The following PEX14 variants were observed in gnomAD, a reference collection of about 807,000 sequenced individuals.
The protein encoded by PEX14 is peroxisomal membrane protein PEX14.
PEX14 carries 15 observed loss-of-function variants against 49.5 expected under a neutral mutation model. The observed-to-expected ratio is 0.30, with a 90% CI of 0.20 to 0.47. The LOEUF (loss-of-function observed/expected upper bound fraction) is 0.47. Ranked by LOEUF, PEX14 falls within the 20% of genes least tolerant of loss-of-function variation. PEX14 has a pLI of 1.00. For missense variants in PEX14, 398 were observed against 494.8 expected, an observed-to-expected ratio of 0.80 and a Z score of 1.86; for synonymous variants, 210 against 212.7, an observed-to-expected ratio of 0.99 and a Z score of 0.11.
At chr1:10,585,172 T>C (rs1233866815) in intron 3 of PEX14, among the ~76,000 whole-genome samples, 2 of 152,208 alleles carry the variant, frequency 1.3e-5, no homozygotes, top group Non-Finnish European at 2.9e-5. Flanking sequence ...ACAAATTCCA[T>C]TGACGGGTGC....
At chr1:10,552,276 T>A (rs1309217258) in intron 3 of PEX14, among the ~76,000 whole-genome samples, 3 of 152,072 alleles carry the variant, frequency 2.0e-5, no homozygotes, top group African/African-American at 7.2e-5. Flanking sequence ...ACTCCATCTC[T>A]ACTAAAAATA....
intron 1 of PEX14, among the ~76,000 whole-genome samples, chr1:10,482,654 G>A (rs11802795): frequency 0.064 from 9,656 of 151,646 alleles, 1,053 homozygotes; most frequent in African/African-American, 0.22. Flanking sequence ...GGATGGTCTC[G>A]ATGTCTTGAC....
intron 3 of PEX14, among the ~76,000 whole-genome samples, chr1:10,538,833 C>G (rs1489450112): frequency 6.6e-6 from 1 of 152,212 alleles, no homozygotes; most frequent in African/African-American, 2.4e-5. Context: ...AGAAGCCTTG[C>G]AGTGCTGGGC....
intron 4 of PEX14, among the ~76,000 whole-genome samples, chr1:10,611,274 A>T (rs1641270763): frequency 6.6e-6 from 1 of 150,866 alleles, no homozygotes; most frequent in Non-Finnish European, 1.5e-5. Context: ...CCACCGAAAT[A>T]AAAAAAAAAT....
chr1:10,487,886 T>G (rs1372424775), intron 1 of PEX14, among the ~76,000 whole-genome samples: 2 of 152,056 alleles, frequency 1.3e-5, no homozygotes, highest in Non-Finnish European at 2.9e-5. Flanking sequence ...GTTCAAGGGA[T>G]TCTTCTGCCT....
At chr1:10,487,427 GTAGAGTTTTCTT>G (rs1389332754) in intron 1 of PEX14, among the ~76,000 whole-genome samples, 3 of 148,134 alleles carry the variant, frequency 2.0e-5, no homozygotes, top group South Asian at 2.1e-4. Context: ...CCATCTGGAC[GTAGAGTTTTCTT>G]TTTAAGTTTT....
intron 1 of PEX14, among the ~76,000 whole-genome samples, chr1:10,480,304 A>C (rs1439418909): frequency 6.7e-6 from 1 of 148,934 alleles, no homozygotes; most frequent in Non-Finnish European, 1.5e-5. Flanking sequence ...TCAGCCTCCC[A>C]GGTTCAAGCG....
chr1:10,607,877 G>T (rs1489576367), intron 4 of PEX14, among the ~76,000 whole-genome samples: 2 of 152,058 alleles, frequency 1.3e-5, no homozygotes, highest in Admixed American at 1.3e-4. Context: ...TTTTAATTTT[G>T]ATGACATATA....
intron 1 of PEX14, among the ~76,000 whole-genome samples, chr1:10,492,460 G>A (rs890090338): frequency 1.3e-5 from 2 of 152,210 alleles, no homozygotes; most frequent in African/African-American, 4.8e-5. Context: ...TTTTGATTAA[G>A]TAGAAGGGTT....
intron 2 of PEX14, among the ~76,000 whole-genome samples, chr1:10,516,181 A>G (rs1641966673): frequency 6.6e-6 from 1 of 152,240 alleles, no homozygotes; most frequent in South Asian, 2.1e-4. Context: ...GGCAGAACTA[A>G]GAAGCCAGGC....
At chr1:10,558,691 T>C (rs975508860) in intron 3 of PEX14, among the ~76,000 whole-genome samples, 1 of 148,886 alleles carries the variant, frequency 6.7e-6, no homozygotes, top group Non-Finnish European at 1.5e-5. Context: ...GAGCTGAGAT[T>C]GCACCACTGC....
intron 3 of PEX14, among the ~76,000 whole-genome samples, chr1:10,576,629 G>A (rs575993883): frequency 4.6e-5 from 7 of 151,500 alleles, no homozygotes; most frequent in Middle Eastern, 3.4e-3. Flanking sequence ...TTTCTCCCCA[G>A]TTGTTTAGTA....
At chr1:10,562,424 A>G (rs2124531802) in intron 3 of PEX14, among the ~76,000 whole-genome samples, 1 of 152,270 alleles carries the variant, frequency 6.6e-6, no homozygotes, top group South Asian at 2.1e-4. Flanking sequence ...TGATTGTCCT[A>G]TCTCTTTACC....
At chr1:10,497,244 G>C (rs1343823913) in intron 2 of PEX14, among the ~76,000 whole-genome samples, 4 of 152,202 alleles carry the variant, frequency 2.6e-5, no homozygotes, top group Non-Finnish European at 5.9e-5. Context: ...GAGTGGTGTT[G>C]GGAGGGTGTC....
intron 4 of PEX14, among the ~76,000 whole-genome samples, chr1:10,605,626 TA>T (rs1309616467): frequency 5.9e-5 from 9 of 152,188 alleles, no homozygotes; most frequent in Non-Finnish European, 1.0e-4. Context: ...GAGGTGACAG[TA>T]AACAGAAAGC....
intron 3 of PEX14, among the ~76,000 whole-genome samples, chr1:10,583,130 A>C (rs771897499): frequency 9.2e-5 from 14 of 151,458 alleles, no homozygotes; most frequent in African/African-American, 1.5e-4. Context: ...TGGGACTCTG[A>C]TTTTTCTCCG....
chr1:10,491,901 T>A (rs1400554965), intron 1 of PEX14, among the ~76,000 whole-genome samples: 1 of 152,062 alleles, frequency 6.6e-6, no homozygotes, highest in Non-Finnish European at 1.5e-5. Context: ...CAGGCTCATC[T>A]CTAACTCCCG....
At chr1:10,505,132 C>T (rs372474145) in intron 2 of PEX14, among the ~76,000 whole-genome samples, 21 of 152,156 alleles carry the variant, frequency 1.4e-4, no homozygotes, top group South Asian at 2.1e-4. Context: ...TAGCATTTAC[C>T]GACAGTGGAT....
Position 10,579,654 on chromosome 1 carries a change from G to A in PEX14, c.170-19584G>A, listed in dbSNP as rs113850915. On this transcript the variant is annotated intron_variant, in intron 3 of 8. Transcript: ENST00000356607. ...TTCTTGATGAGATGCCAGACGGGGT[G>A]GATTATTCATGCTTCCCCCTTTTAG... is the stretch of plus-strand genomic sequence containing the variant. Among the ~76,000 whole-genome samples the A allele has an allele frequency of 6.0e-3, 906 of 152,208 alleles. 7 individuals are homozygous for A. The highest frequency in any genetic ancestry group is 0.02 in the African/African-American group (851 of 41,522).
Sources: gnomAD v4.1 joint callset for allele counts (sites outside exome capture counted in the v4.1 genomes callset) on GRCh38, gnomAD v4.1.1 for gene constraint, MANE v1.5 for transcripts, NCBI Gene and HGNC (gene_info 2026-07-23, HGNC 2026-07-21) for gene names.